GIMAP2: variants seen among roughly 807,000 people sequenced by gnomAD.
The protein encoded by GIMAP2 is GTPase IMAP family member 2.
Under a neutral mutation model 25.5 loss-of-function variants are expected in GIMAP2, and 22 were observed. The observed-to-expected ratio is 0.86, with a 90% CI of 0.62 to 1.23. The LOEUF (loss-of-function observed/expected upper bound fraction) is 1.23. Among genes scored for constraint, GIMAP2 ranks in the 50% most tolerant of loss-of-function variants. The pLI is 0.00. For synonymous variants in GIMAP2, 167 were observed against 143.0 expected, an observed-to-expected ratio of 1.17 and a Z score of -1.20; for missense variants, 422 against 395.7, an observed-to-expected ratio of 1.07 and a Z score of -0.56.
At chr7:150,688,614 C>T (rs1939992670) in intron 2 of GIMAP2, among the ~76,000 whole-genome samples, 1 of 152,200 alleles carries the variant, frequency 6.6e-6, no homozygotes, top group African/African-American at 2.4e-5. Context: ...AGCCTGAACT[C>T]TGGTACCTTC....
intron 2 of GIMAP2, among the ~76,000 whole-genome samples, chr7:150,691,334 T>C (rs1156824441): frequency 6.6e-6 from 1 of 152,122 alleles, no homozygotes; most frequent in Admixed American, 6.5e-5. Flanking sequence ...TGAAACACAT[T>C]TTTTCCCTAA....
chr7:150,689,638 A>T (rs1796943859), intron 2 of GIMAP2: 2 of 664,014 alleles, frequency 3.0e-6, no homozygotes, highest in Non-Finnish European at 5.6e-6. Context: ...TTGCATGTCT[A>T]CTGTGAGGCC....
At chr7:150,687,650 C>A (rs113153089) in intron 2 of GIMAP2, 5,137 of 152,270 alleles carry the variant, frequency 0.034, 121 homozygotes, top group Non-Finnish European at 0.049. Context: ...TCTTTCAGAT[C>A]TCTTTGAAAT....
chr7:150,689,628 T>C (rs1012055117), intron 2 of GIMAP2: 1 of 686,076 alleles, frequency 1.5e-6, no homozygotes, highest in Non-Finnish European at 2.7e-6. Context: ...CAAGTGTCCA[T>C]TGCATGTCTA....
Position 150,692,984 on chromosome 7 carries a change from A to T in GIMAP2, c.698A>T (p.Asp233Val). 1 of 1,614,090 alleles carries T rather than the reference A, an allele frequency of 6.2e-7. No homozygotes were observed. Among genetic ancestry groups the T allele is most frequent in the Non-Finnish European group, 8.5e-7 (1 of 1,179,890 alleles). Residue 233 changes from aspartate to valine, a missense_variant, in exon 3 of 3, where the codon GAT (aspartate) becomes GTT (valine). By Grantham distance (152) the Asp-to-Val change is radical. Transcript: ENST00000223293. ...QRSKCGPVGS[D>V]ERVKEFKQSL... Reference sequence around the variant, plus strand: ...TCTAAATGTGGACCTGTGGGATCAGATGAAAGAGTAAAGGAATTCAAACAG... The same window carrying T: ...TCTAAATGTGGACCTGTGGGATCAGTTGAAAGAGTAAAGGAATTCAAACAG...
intron 2 of GIMAP2, among the ~76,000 whole-genome samples, chr7:150,691,605 A>G (rs1434460685): frequency 1.3e-5 from 2 of 152,124 alleles, no homozygotes; most frequent in African/African-American, 4.8e-5. Context: ...TCATGACCCC[A>G]CTCTGCCCAG....
Position 150,692,468 on chromosome 7 carries a change from G to A in GIMAP2, c.182G>A (p.Cys61Tyr). 1.2e-6 allele frequency: 2 copies of A among 1,614,198 alleles called. No individual in the cohort carries two copies. Among genetic ancestry groups the A allele is most frequent in the Non-Finnish European group, 1.7e-6 (2 of 1,180,036 alleles). Reference protein sequence around the residue: ...KLGSQTLTKTCSKSQGSWGNR... With the variant: ...KLGSQTLTKTYSKSQGSWGNR... ...GGTTCCCAGACCTTGACTAAGACTT[G>A]CAGCAAAAGTCAGGGAAGCTGGGGA... Residue 61 changes from cysteine to tyrosine, a missense_variant, in exon 3 of 3, where the codon TGC (cysteine) becomes TAC (tyrosine). Transcript: ENST00000223293.
chr7:150,686,960 A>AAAG (rs1554513771), intron 1 of GIMAP2, 92 bp from the exon 2 acceptor site: 85,632 of 439,138 alleles, frequency 0.2, 511 homozygotes, highest in South Asian at 0.23. Context: ...AAAAAAAAAA[A>AAAG]AAAGAAAGAA....
At chr7:150,686,816 C>T (rs775616014) in intron 1 of GIMAP2, among the ~76,000 whole-genome samples, 1 of 151,410 alleles carries the variant, frequency 6.6e-6, no homozygotes, top group African/African-American at 2.4e-5. Context: ...TGGTGGTGCA[C>T]ACCCATAATC....
chr7:150,692,141 C>T (rs1269441650), intron 2 of GIMAP2, among the ~76,000 whole-genome samples, 174 bp from the exon 3 acceptor site: 9 of 151,628 alleles, frequency 5.9e-5, no homozygotes, highest in African/African-American at 2.2e-4. Context: ...AGGAGAATGG[C>T]GTGAACCCGG....
chr7:150,687,176 G>A, intron 2 of GIMAP2, 89 bp downstream of exon 2: 1 of 1,158,424 alleles, frequency 8.6e-7, no homozygotes, highest in Non-Finnish European at 1.3e-6. Context: ...TGATGATGTT[G>A]GGGCAAAATA....
chr7:150,688,416 C>A (rs1796927655), intron 2 of GIMAP2, among the ~76,000 whole-genome samples: 1 of 152,200 alleles, frequency 6.6e-6, no homozygotes, highest in African/African-American at 2.4e-5. Context: ...CAGGCGTGAG[C>A]CACCACGCCC....
At chr7:150,689,915 AG>A (rs1208589346) in intron 2 of GIMAP2, among the ~76,000 whole-genome samples, 1 of 143,426 alleles carries the variant, frequency 7.0e-6, no homozygotes, top group Non-Finnish European at 1.5e-5. Context: ...ATGGGTAAAA[AG>A]GTTGACAAAC....
chr7:150,691,963 C>A (rs1377534169), intron 2 of GIMAP2, among the ~76,000 whole-genome samples: 1 of 152,138 alleles, frequency 6.6e-6, no homozygotes, highest in African/African-American at 2.4e-5. Context: ...GGCCCGGTGG[C>A]TCACGCCAGT....
chr7:150,692,647 C>T lies in GIMAP2; in HGVS notation c.361C>T (p.Gln121Ter), dbSNP rs2116508374. The T allele has an allele frequency of 6.2e-7, 1 of 1,614,228 alleles. No homozygotes were observed. The highest frequency in any genetic ancestry group is 1.1e-5 in the South Asian group (1 of 91,088). ...GACTCAGCTGGGCCGCTATACCTCA[C>T]AGGACCAGCAGGCTGCACAGAGGGT... Reference protein sequence around the residue: ...LVTQLGRYTSQDQQAAQRVKE... With the variant: ...LVTQLGRYTS Residue 121 changes from glutamine (Q) to a stop codon, truncating the protein, a stop_gained, in exon 3 of 3, where the codon CAG becomes TAG. Transcript: ENST00000223293. LOFTEE classifies it high-confidence loss of function.
In GIMAP2 at chr7:150,692,818, C is replaced by T. The variant is rs550994929; in HGVS notation, c.532C>T (p.Arg178Ter). 57 of 1,614,020 alleles carry T rather than the reference C, an allele frequency of 3.5e-5. No individual in the cohort carries two copies. Among genetic ancestry groups the T allele is most frequent in the East Asian group, 6.7e-5 (3 of 44,888 alleles). ...CAAGCTGGTGGCAGCATGTGGTGGG[C>T]GAATCTGTGCCTTTAATAACCGTGC... ...LSKLVAACGG[R>*]ICAFNNRAEG... Residue 178 changes from arginine to a stop codon, truncating the protein, a stop_gained, in exon 3 of 3, where the codon CGA becomes TGA. Transcript: ENST00000223293. LOFTEE classifies it high-confidence loss of function.
chr7:150,687,822 C>T lies in GIMAP2; in HGVS notation c.28+735C>T, dbSNP rs552738629. 2.9e-5 allele frequency among the ~76,000 whole-genome samples: 4 copies of T among 136,956 alleles called. No individual in the cohort carries two copies. The East Asian group carries it at 9.0e-4, about 31-fold the overall frequency. The allele number at this position is 136,956 out of a possible 152,430, so 89.8% of individuals were successfully genotyped here. ...CTCTCTCCTCTTCTTGCACCTGTTTCTGCTATCTGTATGGTATGGGCGTCT... is the reference window on the plus strand; with the variant it reads ...CTCTCTCCTCTTCTTGCACCTGTTTTTGCTATCTGTATGGTATGGGCGTCT... On this transcript the variant is annotated intron_variant, in intron 2 of 2. Coordinates refer to ENST00000223293, the MANE Select transcript of GIMAP2 (RefSeq NM_015660.3).
Position 150,692,832 on chromosome 7 carries a change from T to C in GIMAP2, c.546T>C (p.Phe182=). The C allele has an allele frequency of 6.2e-7, 1 of 1,614,220 alleles. No individual in the cohort carries two copies. The highest frequency in any genetic ancestry group is 8.5e-7 in the Non-Finnish European group (1 of 1,180,044). The part of the protein sequence containing the change: ...VAACGGRICA[F]NNRAEGSNQD... ...CATGTGGTGGGCGAATCTGTGCCTT[T>C]AATAACCGTGCTGAAGGGAGCAATC... The change falls in exon 3 of 3, where the codon TTT becomes TTC. Residue 182 remains phenylalanine (F), a synonymous_variant. Coordinates refer to ENST00000223293, the MANE Select transcript of GIMAP2 (RefSeq NM_015660.3).
chr7:150,693,197 G>C lies in GIMAP2; in HGVS notation c.911G>C (p.Ser304Thr), dbSNP rs901211397. 1 of 1,612,082 alleles carries C rather than the reference G, an allele frequency of 6.2e-7. No homozygotes were observed. The highest frequency in any genetic ancestry group is 8.5e-7 in the Non-Finnish European group (1 of 1,178,884). The change falls in exon 3 of 3, where the codon AGT becomes ACT. Residue 304 changes from serine to threonine, a missense_variant. Physicochemically the swap from Ser to Thr is moderately conservative, Grantham distance 58. Transcript: ENST00000223293. Reference protein sequence around the residue: ...MCNLFCCLLFSMCNLFCSLLF... With the variant: ...MCNLFCCLLFTMCNLFCSLLF... ...AATTTGTTTTGTTGCTTACTCTTTA[G>C]TATGTGCAATTTATTCTGCAGTTTG...
Sources: gnomAD v4.1 joint callset for allele counts (sites outside exome capture counted in the v4.1 genomes callset) on GRCh38, gnomAD v4.1.1 for gene constraint, MANE v1.5 for transcripts, NCBI Gene and HGNC (gene_info 2026-07-23, HGNC 2026-07-21) for gene names.